The following PCDHA5 variants were observed in gnomAD, a reference collection of about 807,000 sequenced individuals.
The protein encoded by PCDHA5 is protocadherin alpha 5.
A neutral mutation model predicts 61.6 loss-of-function variants in PCDHA5; 43 were observed. The observed-to-expected ratio is 0.70, with a 90% CI of 0.55 to 0.90. The LOEUF (loss-of-function observed/expected upper bound fraction) is 0.90, where lower values mean the gene tolerates loss of function less well. Among genes scored for constraint, PCDHA5 ranks in the 40% least tolerant of loss-of-function variants. The pLI, the probability that PCDHA5 is intolerant of heterozygous loss-of-function variation, is 0.00. For missense variants in PCDHA5, 1,298 were observed against 1,222.7 expected (o/e 1.06, Z -0.92); for synonymous variants, 627 against 543.9 (o/e 1.15, Z -2.13).
intron 1 of PCDHA5, chr5:140,843,163 T>A (rs2150354219): frequency 1.9e-6 from 3 of 1,596,072 alleles, no homozygotes; most frequent in Non-Finnish European, 2.6e-6. Context: ...TGCAGCCAGC[T>A]GCAAGCAGCC....
In PCDHA5 at chr5:140,850,297, C is replaced by T. The variant is rs2150478357; in HGVS notation, c.2352+26170C>T. The stretch of plus-strand genomic sequence containing the variant: ...AAGGTGCGCGCAGTGGACGCCGACT[C>T]GGGCTACAACGCGTGGCTTTCATAC... On this transcript the variant is annotated intron_variant, in intron 1 of 3. Coordinates refer to ENST00000529859, the MANE Select transcript of PCDHA5 (RefSeq NM_018908.3). The T allele has an allele frequency of 2.5e-6, 4 of 1,596,320 alleles. No homozygotes were observed. The Admixed American group carries it at 5.1e-5, about 20-fold the overall frequency.
At chr5:140,824,423 T>G in intron 1 of PCDHA5, 1 of 504,742 alleles carries the variant, frequency 2.0e-6, no homozygotes, top group Non-Finnish European at 3.5e-6. Flanking sequence ...TTTGGAGTCA[T>G]TCTCAAAGTT....
At chr5:140,991,505 G>T (rs2097456335) in intron 3 of PCDHA5, among the ~76,000 whole-genome samples, 1 of 152,180 alleles carries the variant, frequency 6.6e-6, no homozygotes, top group Admixed American at 6.5e-5. Context: ...AGTTTCACTG[G>T]CTAAAATCAA....
rs1399480801 is a variant in PCDHA5, at chr5:140,951,947, C to T, written c.2353-27002C>T. On this transcript the variant is annotated intron_variant, in intron 1 of 3. Transcript: ENST00000529859. ...TTACTCCCAAGATACAGTGCGGGTA[C>T]AGGCATTGGGTAAATACTCCTGTTC... is the stretch of plus-strand genomic sequence containing the variant. 5.3e-5 allele frequency among the ~76,000 whole-genome samples: 8 copies of T among 152,250 alleles called. No individual in the cohort carries two copies. In the East Asian group the frequency reaches 1.5e-3, roughly 29 times the overall value.
chr5:140,832,092 A>T, intron 1 of PCDHA5, among the ~76,000 whole-genome samples: 1 of 152,240 alleles, frequency 6.6e-6, no homozygotes, highest in East Asian at 1.9e-4. Flanking sequence ...TTTAAATGCC[A>T]TGTTCTACAT....
In PCDHA5 at chr5:140,850,494, G is replaced by A. The variant is rs140796784; in HGVS notation, c.2352+26367G>A. ...GCTGACGGCCACGGCCACTGTGCTGGTGTCGCTGGTGGAGAGCGGCCAGGC... is the reference window on the plus strand; with the variant it reads ...GCTGACGGCCACGGCCACTGTGCTGATGTCGCTGGTGGAGAGCGGCCAGGC... On this transcript the variant is annotated intron_variant, in intron 1 of 3. Transcript: ENST00000529859. The A allele has an allele frequency of 3.1e-5, 50 of 1,598,140 alleles. 3 individuals carry two copies. In the African/African-American group the frequency reaches 5.6e-4, roughly 18 times the overall value.
chr5:140,871,118 G>A, intron 1 of PCDHA5: 3 of 1,613,306 alleles, frequency 1.9e-6, no homozygotes, highest in Non-Finnish European at 2.5e-6. Flanking sequence ...GTGGAGAGCG[G>A]ACAGGCGCCA....
At chr5:140,882,127 C>G in intron 1 of PCDHA5, 2 of 1,464,686 alleles carry the variant, frequency 1.4e-6, no homozygotes. Flanking sequence ...TTTCTTTCTT[C>G]CTGCAGAAAA....
At chr5:140,927,236 T>A in intron 1 of PCDHA5, 3 of 1,614,120 alleles carry the variant, frequency 1.9e-6, no homozygotes, top group Non-Finnish European at 2.5e-6. Context: ...ATTCACGTCC[T>A]GGACACCAAT....
rs782631991 is a variant in PCDHA5, at chr5:140,966,741, G to C, written c.2353-12208G>C. The C allele has an allele frequency of 7.5e-4, 1,063 of 1,421,208 alleles. 1 individual carries two copies. The highest frequency in any genetic ancestry group is 9.1e-4 in the Non-Finnish European group (995 of 1,093,108). The allele number at this position is 1,421,208 out of a possible 1,614,324, so 88.0% of individuals were successfully genotyped here. Reference sequence around the variant, plus strand: ...GAAGCTGCCGCCTCCGGCCCTGCCCGGCTGCCTCCGCCGCGGCCAGTGGCT... The same window carrying C: ...GAAGCTGCCGCCTCCGGCCCTGCCCCGCTGCCTCCGCCGCGGCCAGTGGCT... On this transcript the variant is annotated intron_variant, in intron 1 of 3. Transcript: ENST00000529859.
At chr5:140,980,842 T>C (rs376646751) in intron 2 of PCDHA5, among the ~76,000 whole-genome samples, 2 of 152,328 alleles carry the variant, frequency 1.3e-5, no homozygotes, top group Non-Finnish European at 2.9e-5. Flanking sequence ...ACCTAAATAA[T>C]ACTAATCTTT....
At chr5:140,966,645 C>A in intron 1 of PCDHA5, 1 of 1,125,650 alleles carries the variant, frequency 8.9e-7, no homozygotes, top group African/African-American at 1.7e-5. Context: ...CTTTCTAGAG[C>A]GTGAGCGGTG....
chr5:140,967,154 G>A, intron 1 of PCDHA5: 2 of 1,610,730 alleles, frequency 1.2e-6, no homozygotes, highest in Non-Finnish European at 1.7e-6. Flanking sequence ...CAACCCCGTG[G>A]CGGTGAGCGC....
intron 1 of PCDHA5, among the ~76,000 whole-genome samples, chr5:140,972,656 C>T (rs1428322208): frequency 6.9e-6 from 1 of 144,688 alleles, no homozygotes; most frequent in Non-Finnish European, 1.5e-5. Context: ...TAAAAAGAAA[C>T]CAAATTTTTT....
intron 3 of PCDHA5, among the ~76,000 whole-genome samples, chr5:141,007,772 G>T (rs1384054820): frequency 6.6e-6 from 1 of 152,122 alleles, no homozygotes; most frequent in Non-Finnish European, 1.5e-5. Context: ...GCCTGGAAAT[G>T]GTACTGCTTT....
At chr5:140,842,727 C>T (rs1554139317) in intron 1 of PCDHA5, 3 of 1,594,926 alleles carry the variant, frequency 1.9e-6, no homozygotes, top group Non-Finnish European at 1.7e-6. Context: ...GAGAACAACC[C>T]GCCGGGCTGC....
chr5:140,892,054 T>G (rs1409591142), intron 1 of PCDHA5, among the ~76,000 whole-genome samples: 4 of 152,244 alleles, frequency 2.6e-5, no homozygotes, highest in African/African-American at 7.2e-5. Flanking sequence ...TTTTTCAAAT[T>G]TATTGTTACT....
At chr5:140,941,255 C>CTTTCTTTCTTTCTTTCTCTT (rs782490896) in intron 1 of PCDHA5, among the ~76,000 whole-genome samples, 1 of 44,508 alleles carries the variant, frequency 2.2e-5, no homozygotes, top group Non-Finnish European at 5.1e-5. Context: ...TTCTTTCTTT[C>CTTTCTTTCTTTCTTTCTCTT]TCTTTCTTTC....
At chr5:140,850,282 C>T (rs2150477546) in intron 1 of PCDHA5, 2 of 1,595,502 alleles carry the variant, frequency 1.3e-6, no homozygotes, top group African/African-American at 2.7e-5. Context: ...AAGGTGCGCG[C>T]AGTGGACGCC....
Sources: allele counts gnomAD v4.1 joint callset (sites outside exome capture counted in the v4.1 genomes callset), GRCh38; gene constraint gnomAD v4.1.1; transcripts MANE v1.5; gene names NCBI Gene and HGNC (gene_info 2026-07-23, HGNC 2026-07-21).